Variants in RNF180 observed in about 807,000 individuals in gnomAD.
RNF180 encodes the protein ring finger protein 180, also known as E3 ubiquitin-protein ligase RNF180.
In RNF180, 38 loss-of-function variants were observed where a neutral mutation model predicts 59.2. The ratio of observed to expected loss-of-function variants is 0.64; its 90% CI spans 0.50 to 0.84. The LOEUF (loss-of-function observed/expected upper bound fraction) is 0.84, where lower values mean the gene tolerates loss of function less well. Among genes scored for constraint, RNF180 ranks in the 40% least tolerant of loss-of-function variants. RNF180 has a pLI of 0.00. For missense variants in RNF180, 705 were observed against 700.9 expected (o/e 1.01, Z -0.07); for synonymous variants, 262 against 240.3 (o/e 1.09, Z -0.84).
chr5:64,169,705 AT>A (rs1561162025), intron 1 of RNF180, among the ~76,000 whole-genome samples: 1 of 152,224 alleles, frequency 6.6e-6, no homozygotes, highest in Non-Finnish European at 1.5e-5. Context: ...ATGTGCAACA[AT>A]AAGTGTTACC....
intron 5 of RNF180, among the ~76,000 whole-genome samples, chr5:64,317,902 A>T (rs1481465917): frequency 2.0e-5 from 3 of 152,196 alleles, no homozygotes; most frequent in Non-Finnish European, 4.4e-5. Context: ...CGTTTCCATT[A>T]GTACATTTGC....
chr5:64,213,473 T>C (rs929605864), intron 3 of RNF180, 85 bp from the exon 4 acceptor site: 3 of 1,275,450 alleles, frequency 2.4e-6, no homozygotes, highest in Admixed American at 4.6e-5. Context: ...AAAACTTTCA[T>C]GTGGCTGGCT....
At chr5:64,173,904 C>T (rs918650012) in intron 1 of RNF180, among the ~76,000 whole-genome samples, 36 of 152,030 alleles carry the variant, frequency 2.4e-4, no homozygotes, top group African/African-American at 8.7e-4. Context: ...TTAGTAGAGA[C>T]AGGGTTTCAC....
intron 5 of RNF180, among the ~76,000 whole-genome samples, chr5:64,276,504 G>A (rs1741729673): frequency 1.3e-5 from 2 of 151,956 alleles, no homozygotes; most frequent in Non-Finnish European, 2.9e-5. Flanking sequence ...ATTCTTTAAA[G>A]TAATGTATGA....
chr5:64,216,908 G>A (rs1436123731), intron 4 of RNF180, among the ~76,000 whole-genome samples: 1 of 152,010 alleles, frequency 6.6e-6, no homozygotes, highest in East Asian at 1.9e-4. Flanking sequence ...CACATGTAAA[G>A]GTTTATATAA....
chr5:64,234,154 T>A (rs982379714), intron 5 of RNF180, among the ~76,000 whole-genome samples: 4 of 152,196 alleles, frequency 2.6e-5, no homozygotes, highest in Non-Finnish European at 4.4e-5. Context: ...TCTCATTTTT[T>A]TTCCTGTTAA....
At chr5:64,315,106 T>C (rs535733779) in intron 5 of RNF180, among the ~76,000 whole-genome samples, 2 of 152,326 alleles carry the variant, frequency 1.3e-5, no homozygotes, top group African/African-American at 2.4e-5. Context: ...TACTGAATTA[T>C]CTAACTCTTC....
intron 7 of RNF180, among the ~76,000 whole-genome samples, chr5:64,357,675 C>T (rs1462871093): frequency 6.6e-6 from 1 of 151,706 alleles, no homozygotes; most frequent in African/African-American, 2.4e-5. Context: ...ACACAACCTA[C>T]CAAAATTACA....
chr5:64,214,354 C>A lies in RNF180; in HGVS notation c.1028C>A (p.Pro343Gln). ...MDLPSAGRSM[P>Q]EASDQEEHLS... ...CTGCCCTCAGCTGGCAGGAGCATGC[C>A]GGAGGCCTCAGACCAGGAAGAGCAC... The change falls in exon 4 of 8, where the codon CCG becomes CAG. Residue 343 changes from proline (P) to glutamine (Q), a missense_variant. Coordinates refer to ENST00000389100, the MANE Select transcript of RNF180 (RefSeq NM_001113561.2). 6.2e-7 allele frequency: 1 copy of A among 1,613,964 alleles called. No individual in the cohort carries two copies. The highest frequency in any genetic ancestry group is 8.5e-7 in the Non-Finnish European group (1 of 1,179,956).
Position 64,200,850 on chromosome 5 carries a change from G to C in RNF180, c.43G>C (p.Glu15Gln). ...ATTGATAACTAAAAATCATAGTCAA[G>C]AGGAAACAAGTATTCTTCGTTGTTG... ...KELITKNHSQEETSILRCWKC... is the reference protein window; with the variant it reads ...KELITKNHSQQETSILRCWKC... The change falls in exon 2 of 8, where the codon GAG becomes CAG. Residue 15 changes from glutamate to glutamine, a missense_variant. Physicochemically the swap from Glu to Gln is conservative, Grantham distance 29. Transcript: ENST00000389100. 1 of 1,611,870 alleles carries C rather than the reference G, an allele frequency of 6.2e-7. No individual in the cohort carries two copies. Among genetic ancestry groups the C allele is most frequent in the South Asian group, 1.1e-5 (1 of 91,024 alleles).
chr5:64,329,457 CTT>C (rs558648872), intron 6 of RNF180, among the ~76,000 whole-genome samples: 1 of 135,636 alleles, frequency 7.4e-6, no homozygotes, highest in Non-Finnish European at 1.6e-5. Context: ...CTTTTTTTTT[CTT>C]TTTTTTTTTT....
chr5:64,318,104 T>C (rs752704442), intron 5 of RNF180, among the ~76,000 whole-genome samples: 2 of 152,214 alleles, frequency 1.3e-5, no homozygotes, highest in Non-Finnish European at 1.5e-5. Context: ...ATGGGCACCA[T>C]CTGTGTTATG....
At chr5:64,237,325 C>T (rs1007323212) in intron 5 of RNF180, among the ~76,000 whole-genome samples, 1 of 152,130 alleles carries the variant, frequency 6.6e-6, no homozygotes, top group African/African-American at 2.4e-5. Context: ...ACTGCCCGGC[C>T]AGGTGTCAGG....
intron 5 of RNF180, among the ~76,000 whole-genome samples, chr5:64,308,445 A>G (rs1333795542): frequency 1.3e-5 from 2 of 151,786 alleles, no homozygotes; most frequent in African/African-American, 2.4e-5. Flanking sequence ...CAGTTTTTGC[A>G]TTTAAATGAG....
chr5:64,248,114 G>T (rs1743306206), intron 5 of RNF180, among the ~76,000 whole-genome samples: 1 of 152,154 alleles, frequency 6.6e-6, no homozygotes, highest in Non-Finnish European at 1.5e-5. Flanking sequence ...AACTCAAGGT[G>T]GATTAAAGGC....
At chr5:64,251,964 C>A (rs755418034) in intron 5 of RNF180, among the ~76,000 whole-genome samples, 1 of 152,018 alleles carries the variant, frequency 6.6e-6, no homozygotes, top group Non-Finnish European at 1.5e-5. Context: ...TGGAAAATAT[C>A]TCATACACAT....
intron 5 of RNF180, among the ~76,000 whole-genome samples, chr5:64,285,837 A>C (rs1034014154): frequency 9.9e-5 from 15 of 152,136 alleles, no homozygotes; most frequent in African/African-American, 3.4e-4. Flanking sequence ...GCCCTGCTCC[A>C]CTGTAGCTTT....
At chr5:64,305,938 C>A (rs147213109) in intron 5 of RNF180, among the ~76,000 whole-genome samples, 4 of 151,654 alleles carry the variant, frequency 2.6e-5, no homozygotes, top group African/African-American at 9.6e-5. Flanking sequence ...TCTGTTTATA[C>A]ATGGTTTCAA....
chr5:64,337,060 G>C (rs1166864590), intron 7 of RNF180, among the ~76,000 whole-genome samples: 2 of 149,858 alleles, frequency 1.3e-5, no homozygotes, highest in Non-Finnish European at 3.0e-5. Context: ...GTCTCACTCT[G>C]TTACCCAGGC....
Sources: allele counts gnomAD v4.1 joint callset (sites outside exome capture counted in the v4.1 genomes callset), GRCh38; gene constraint gnomAD v4.1.1; transcripts MANE v1.5; gene names NCBI Gene and HGNC (gene_info 2026-07-23, HGNC 2026-07-21).